The following CFAP44 variants were observed in gnomAD, a reference collection of about 807,000 sequenced individuals.
The protein encoded by CFAP44 is cilia and flagella associated protein 44.
In CFAP44, 134 loss-of-function variants were observed where a neutral mutation model predicts 216.2. The observed-to-expected ratio is 0.62, with a 90% confidence interval of 0.54 to 0.72. The LOEUF (loss-of-function observed/expected upper bound fraction) is 0.72. CFAP44 is among the 30% of genes least tolerant of loss of function. The probability of loss-of-function intolerance (pLI) is 0.00; values close to 1 mark genes in which losing one functional copy is unlikely to be tolerated. For synonymous variants in CFAP44, 700 were observed against 727.6 expected, an observed-to-expected ratio of 0.96 and a Z score of 0.61; for missense variants, 2,035 against 2,182.1, an observed-to-expected ratio of 0.93 and a Z score of 1.34.
intron 10 of CFAP44, 145 bp from the exon 11 acceptor site, chr3:113,401,432 A>T (rs747173009): frequency 5.0e-6 from 6 of 1,209,968 alleles, no homozygotes; most frequent in Non-Finnish European, 6.9e-6. Context: ...AAATTTAATA[A>T]AAACAACTTC....
chr3:113,301,069 A>T (rs1171720581), intron 32 of CFAP44, among the ~76,000 whole-genome samples: 1 of 152,190 alleles, frequency 6.6e-6, no homozygotes, highest in East Asian at 1.9e-4. Context: ...TAGCAGAATC[A>T]TCAAAGCAAA....
At chr3:113,337,919 G>GT (rs1950294599) in intron 24 of CFAP44, among the ~76,000 whole-genome samples, 1 of 152,074 alleles carries the variant, frequency 6.6e-6, no homozygotes, top group African/African-American at 2.4e-5. Flanking sequence ...AGGAAAATTG[G>GT]TAAGTTGGAC....
intron 6 of CFAP44, among the ~76,000 whole-genome samples, chr3:113,412,278 A>C (rs1482265633): frequency 6.6e-6 from 1 of 151,782 alleles, no homozygotes; most frequent in Non-Finnish European, 1.5e-5. Context: ...GTCTCAGCTT[A>C]ATAAACTTGT....
chr3:113,357,951 C>T (rs1472686420), intron 22 of CFAP44, among the ~76,000 whole-genome samples: 2 of 151,912 alleles, frequency 1.3e-5, no homozygotes, highest in African/African-American at 4.8e-5. Context: ...TATCTATTAA[C>T]AGTAGAAGGG....
intron 6 of CFAP44, among the ~76,000 whole-genome samples, chr3:113,412,416 T>TAA (rs71134889): frequency 2.4e-4 from 35 of 147,544 alleles, no homozygotes; most frequent in African/African-American, 4.0e-4. Context: ...TTATTTCTTC[T>TAA]AAAAAAAAAA....
intron 13 of CFAP44, among the ~76,000 whole-genome samples, chr3:113,399,278 T>C (rs143667410): frequency 1.3e-5 from 2 of 152,324 alleles, no homozygotes; most frequent in African/African-American, 4.8e-5. Flanking sequence ...ATCTCTGCTG[T>C]CACCCGAATC....
chr3:113,411,466 T>C (rs111755984), intron 6 of CFAP44, among the ~76,000 whole-genome samples: 60,467 of 151,886 alleles, frequency 0.4, 12,212 homozygotes, highest in East Asian at 0.52. Context: ...AGATGTGTGG[T>C]ATTATTTCTG....
chr3:113,333,670 T>G lies in CFAP44; in HGVS notation c.3438-87A>C, dbSNP rs1950258952. On this transcript the variant is annotated intron_variant, in intron 24 of 34. Coordinates refer to ENST00000393845, the MANE Select transcript of CFAP44 (RefSeq NM_001164496.2). ...CTTTAATATAGGCATATATTCAAAT[T>G]TAATCATGAAACAAAAGTATGATTT... The G allele has an allele frequency of 3.8e-6, 5 of 1,314,798 alleles. No homozygotes were observed. The South Asian group carries it at 1.1e-4, about 28-fold the overall frequency. 81.4% of individuals were successfully genotyped at this position (1,314,798 alleles called of 1,614,324 possible). A position where few individuals can be genotyped will look rare whatever the true frequency, so the allele number is the denominator to read the frequency against.
chr3:113,415,589 C>T (rs1934623414), intron 6 of CFAP44, among the ~76,000 whole-genome samples: 2 of 152,098 alleles, frequency 1.3e-5, no homozygotes, highest in Non-Finnish European at 2.9e-5. Context: ...TTTCAAAGAA[C>T]TTCTTGATTT....
At chr3:113,320,466 C>G (rs1576546354) in intron 28 of CFAP44, among the ~76,000 whole-genome samples, 2 of 93,944 alleles carry the variant, frequency 2.1e-5, no homozygotes, top group Admixed American at 9.4e-5. Flanking sequence ...ATCTATATAT[C>G]ATATATGATA....
At chr3:113,323,148 T>C (rs574132332) in intron 28 of CFAP44, among the ~76,000 whole-genome samples, 24 of 152,224 alleles carry the variant, frequency 1.6e-4, no homozygotes, top group African/African-American at 5.5e-4. Flanking sequence ...CAAGATGAGA[T>C]TTCGGTAGGG....
At position 113,381,013 on chromosome 3, in the gene CFAP44, T is replaced by C; in HGVS notation, c.1938A>G (p.Glu646=). 6.3e-7 allele frequency: 1 copy of C among 1,597,350 alleles called. No homozygotes were observed. The highest frequency in any genetic ancestry group is 1.1e-5 in the South Asian group (1 of 87,308). The change falls in exon 16 of 35, where the codon GAA becomes GAG. Residue 646 remains glutamate (E), a synonymous_variant. Transcript: ENST00000393845. ...LIICENGYIL[E]APLPTIKQEE... is the part of the protein sequence containing the mutation. The stretch of plus-strand genomic sequence containing the variant: ...CTTGCTTTATGGTTGGAAGTGGAGC[T>C]TCAAGAATATAGCCATTTTCACAGA...
At chr3:113,427,387 C>A in intron 2 of CFAP44, 48 bp from the exon 3 acceptor site, 1 of 1,450,408 alleles carries the variant, frequency 6.9e-7, no homozygotes, top group South Asian at 1.3e-5. Context: ...TAAACATTTT[C>A]TTATTTCTAA....
Position 113,306,231 on chromosome 3 carries a change from G to A in CFAP44, c.4728C>T (p.Leu1576=), listed in dbSNP as rs1000299523. 1.1e-5 allele frequency: 17 copies of A among 1,536,290 alleles called. No individual in the cohort carries two copies. The Admixed American group carries it at 1.2e-4, about 11-fold the overall frequency. The change falls in exon 30 of 35, where the codon CTC becomes CTT. Residue 1576 remains leucine (L), a synonymous_variant. Coordinates refer to ENST00000393845, the MANE Select transcript of CFAP44 (RefSeq NM_001164496.2). ...LVEEKKIVDN[L]KKEYDTLSKK... Reference sequence around the variant, plus strand: ...TTGACAATGTATCATATTCCTTTTTGAGGTTATCAACAATTTTCTTTTCTT... The same window carrying A: ...TTGACAATGTATCATATTCCTTTTTAAGGTTATCAACAATTTTCTTTTCTT...
chr3:113,431,663 G>C (rs76498691), intron 2 of CFAP44, among the ~76,000 whole-genome samples: 6,485 of 152,250 alleles, frequency 0.043, 465 homozygotes, highest in African/African-American at 0.15. Context: ...GTCTAAACCA[G>C]AGAAGACAAA....
chr3:113,369,754 C>CA (rs1008154138), intron 18 of CFAP44, among the ~76,000 whole-genome samples: 9 of 150,262 alleles, frequency 6.0e-5, no homozygotes, highest in East Asian at 2.0e-4. Context: ...GAGATAGAGA[C>CA]AAAAAAACCC....
chr3:113,318,865 T>G (rs61681392), intron 28 of CFAP44, among the ~76,000 whole-genome samples: 14,095 of 151,588 alleles, frequency 0.093, 861 homozygotes, highest in African/African-American at 0.17. Context: ...TCCTTCTCAG[T>G]AAAGCAAATG....
intron 12 of CFAP44, 30 bp downstream of exon 12, chr3:113,400,515 G>C (rs370101635): frequency 6.6e-7 from 1 of 1,510,326 alleles, no homozygotes. Flanking sequence ...AACAAGGCCA[G>C]ACATATTTTT....
chr3:113,325,330 GAAATAGGTGTAAATCT>G (rs1950180079), intron 28 of CFAP44, among the ~76,000 whole-genome samples: 1 of 151,414 alleles, frequency 6.6e-6, no homozygotes, highest in African/African-American at 2.4e-5. Flanking sequence ...ACTAAAAAAG[GAAATAGGTGTAAATCT>G]AACAAAACAT....
Sources: gnomAD v4.1 joint callset for allele counts (sites outside exome capture counted in the v4.1 genomes callset) on GRCh38, gnomAD v4.1.1 for gene constraint, MANE v1.5 for transcripts, NCBI Gene and HGNC (gene_info 2026-07-23, HGNC 2026-07-21) for gene names.